COX16: variants seen among roughly 807,000 people sequenced by gnomAD.
COX16 encodes the protein cytochrome c oxidase assembly protein COX16 homolog, mitochondrial.
Under a neutral mutation model 15.4 loss-of-function variants are expected in COX16, and 12 were observed. That is an observed-to-expected ratio of 0.78 (90% CI 0.50 to 1.26). The LOEUF (loss-of-function observed/expected upper bound fraction) is 1.26. Among genes scored for constraint, COX16 ranks in the 50% most tolerant of loss-of-function variants. COX16 has a pLI of 0.00. For synonymous variants in COX16, 46 were observed against 41.1 expected, an observed-to-expected ratio of 1.12 and a Z score of -0.46; for missense variants, 124 against 127.6, an observed-to-expected ratio of 0.97 and a Z score of 0.14.
At chr14:70,336,519 AAAAT>A in intron 2 of COX16, among the ~76,000 whole-genome samples, 1 of 152,210 alleles carries the variant, frequency 6.6e-6, no homozygotes, top group Middle Eastern at 3.4e-3. Flanking sequence ...TAGATAAATA[AAAAT>A]AAAATAATGA....
At chr14:70,358,620 T>G (rs1251126973) in intron 1 of COX16, among the ~76,000 whole-genome samples, 1 of 152,122 alleles carries the variant, frequency 6.6e-6, no homozygotes, top group Non-Finnish European at 1.5e-5. Flanking sequence ...TTTCCTTTAG[T>G]CTGCTTAAAT....
At chr14:70,342,609 GAACA>G (rs1886656508) in intron 2 of COX16, 45 bp downstream of exon 2, 1 of 1,574,286 alleles carries the variant, frequency 6.4e-7, no homozygotes, top group African/African-American at 1.4e-5. Flanking sequence ...TCCTAAACCA[GAACA>G]TACATATAGA....
intron 3 of COX16, among the ~76,000 whole-genome samples, chr14:70,327,669 A>G (rs1275563417): frequency 6.6e-6 from 1 of 152,206 alleles, no homozygotes; most frequent in Non-Finnish European, 1.5e-5. Flanking sequence ...ATTTTAATAA[A>G]GAATAATGGC....
Position 70,325,965 on chromosome 14 carries a change from GAAATCAGA to G in COX16, c.*360_*367del, listed in dbSNP as rs1341045944. ...GACCTACTGTCCTCATTAGGAATCA[GAAATCAGA>G]GAATCAGAAATCAGAATGAAATATC... On this transcript the variant is annotated 3_prime_UTR_variant, in exon 4 of 4. Transcript: ENST00000389912. 6.5e-6 allele frequency: 1 copy of G among 153,180 alleles called. No individual in the cohort carries two copies. Among genetic ancestry groups the G allele is most frequent in the Non-Finnish European group, 1.5e-5 (1 of 68,802 alleles). 9.5% of individuals were successfully genotyped at this position (153,180 alleles called of 1,614,324 possible). A position where few individuals can be genotyped will look rare whatever the true frequency, so the allele number is the denominator to read the frequency against.
Position 70,327,446 on chromosome 14 carries a change from T to C in COX16, c.205-997A>G, listed in dbSNP as rs139658004. Among the ~76,000 whole-genome samples the C allele has an allele frequency of 7.0e-4, 107 of 152,192 alleles. 1 individual carries two copies. Among genetic ancestry groups the C allele is most frequent in the African/African-American group, 2.5e-3 (105 of 41,542 alleles). On this transcript the variant is annotated intron_variant, in intron 3 of 3. Coordinates refer to ENST00000389912, the MANE Select transcript of COX16 (RefSeq NM_016468.7). ...ACTCTTCATAGCATCATTACTGGTA[T>C]AGCACTTGTAGAACTACAAGTTAGC... is the stretch of plus-strand genomic sequence containing the variant.
At chr14:70,359,440 A>G in intron 1 of COX16, 79 bp downstream of exon 1, 1 of 1,312,546 alleles carries the variant, frequency 7.6e-7, no homozygotes, top group Non-Finnish European at 1.1e-6. Context: ...TTCACATTTT[A>G]CAGATTCCCT....
chr14:70,339,040 T>G (rs1886544949), intron 2 of COX16, among the ~76,000 whole-genome samples: 1 of 152,270 alleles, frequency 6.6e-6, no homozygotes, highest in Admixed American at 6.5e-5. Flanking sequence ...GTTCTCATTT[T>G]CATTATCTAA....
chr14:70,328,399 T>A (rs912019914), intron 3 of COX16, among the ~76,000 whole-genome samples: 2 of 152,106 alleles, frequency 1.3e-5, no homozygotes, highest in African/African-American at 4.8e-5. Flanking sequence ...TACCTTTCAA[T>A]ACAAAATGAC....
intron 1 of COX16, among the ~76,000 whole-genome samples, chr14:70,345,768 C>T (rs1203986845): frequency 6.6e-6 from 1 of 152,134 alleles, no homozygotes; most frequent in Non-Finnish European, 1.5e-5. Flanking sequence ...TCAAATCCTT[C>T]CCCTCCATTC....
Position 70,342,718 on chromosome 14 carries a change from A to G in COX16, c.81T>C (p.Val27=). 1 of 1,612,756 alleles carries G rather than the reference A, an allele frequency of 6.2e-7. No homozygotes were observed. Among genetic ancestry groups the G allele is most frequent in the Non-Finnish European group, 8.5e-7 (1 of 1,179,658 alleles). ...ACTCACGAAGACCAAAAGAACCTCCAACAATCAGCAACTAAAACAAAGAAA... is the reference window on the plus strand; with the variant it reads ...ACTCACGAAGACCAAAAGAACCTCCGACAATCAGCAACTAAAACAAAGAAA... ...GYGVPMLLLI[V]GGSFGLREFS... is the part of the protein sequence containing the mutation. Residue 27 remains valine, a synonymous_variant, in exon 2 of 4, where the codon GTT becomes GTC. Coordinates refer to ENST00000389912, the MANE Select transcript of COX16 (RefSeq NM_016468.7).
At chr14:70,343,597 A>G (rs1886686320) in intron 1 of COX16, among the ~76,000 whole-genome samples, 1 of 152,226 alleles carries the variant, frequency 6.6e-6, no homozygotes, top group South Asian at 2.1e-4. Flanking sequence ...TGTATATCAC[A>G]TTGTATTCCC....
At position 70,332,330 on chromosome 14, in the gene COX16, A is replaced by G. The variant is rs111811009; in HGVS notation, c.142-3094T>C. On this transcript the variant is annotated intron_variant, in intron 2 of 3. Transcript: ENST00000389912. ...ATAGGCCTCCCCTGTGGGCTTGCCA[A>G]CCTCCTGTCACAGCAGATCCTGAGG... is the stretch of plus-strand genomic sequence containing the variant. Among the ~76,000 whole-genome samples the G allele has an allele frequency of 2.0e-5, 3 of 152,218 alleles. No individual in the cohort carries two copies. In the South Asian group the frequency reaches 6.2e-4, roughly 32 times the overall value.
intron 2 of COX16, among the ~76,000 whole-genome samples, chr14:70,337,171 A>G (rs1394951505): frequency 1.3e-5 from 2 of 152,212 alleles, no homozygotes; most frequent in African/African-American, 2.4e-5. Flanking sequence ...CTAGAACTGC[A>G]TAAGATAGAA....
In COX16 at chr14:70,325,116, TGAAAA is replaced by T. The variant is rs1886025386; in HGVS notation, c.*1212_*1216del. 1.3e-5 allele frequency: 2 copies of T among 152,292 alleles called. No homozygotes were observed. The highest frequency in any genetic ancestry group is 4.8e-5 in the African/African-American group (2 of 41,570). 9.4% of individuals were successfully genotyped at this position (152,292 alleles called of 1,614,324 possible). A position where few individuals can be genotyped will look rare whatever the true frequency, so the allele number is the denominator to read the frequency against. On this transcript the variant is annotated 3_prime_UTR_variant, in exon 4 of 4. Transcript: ENST00000389912. ...TTACTTTTTATTAAAACCAACCTGCTGAAAAGAATACAAATTTTGACTAGGAGGAG... is the reference window on the plus strand; with the variant it reads ...TTACTTTTTATTAAAACCAACCTGCTGAATACAAATTTTGACTAGGAGGAG...
chr14:70,342,444 CAAAAGAAA>C (rs1186115853), intron 2 of COX16, among the ~76,000 whole-genome samples: 1 of 151,436 alleles, frequency 6.6e-6, no homozygotes, highest in Non-Finnish European at 1.5e-5. Context: ...GACCCCGTGG[CAAAAGAAA>C]AAAAGAAAGA....
chr14:70,359,294 A>G (rs1456441555), intron 1 of COX16: 1 of 631,462 alleles, frequency 1.6e-6, no homozygotes, highest in Non-Finnish European at 2.9e-6. Flanking sequence ...GACAGATCCT[A>G]GTACACCTGA....
chr14:70,355,072 T>C (rs1887086957), intron 1 of COX16, among the ~76,000 whole-genome samples: 2 of 152,144 alleles, frequency 1.3e-5, no homozygotes. Flanking sequence ...TAACAAACTT[T>C]CCTGGACACC....
rs540015255 is a variant in COX16, at chr14:70,342,823, C to A, written c.70-94G>T. 8.1e-5 allele frequency: 104 copies of A among 1,284,876 alleles called. No individual in the cohort carries two copies. In the South Asian group the frequency reaches 1.4e-3, roughly 17 times the overall value. 79.6% of individuals were successfully genotyped at this position (1,284,876 alleles called of 1,614,324 possible). A position where few individuals can be genotyped will look rare whatever the true frequency, so the allele number is the denominator to read the frequency against. On this transcript the variant is annotated intron_variant, in intron 1 of 3. Coordinates refer to ENST00000389912, the MANE Select transcript of COX16 (RefSeq NM_016468.7). Reference sequence around the variant, plus strand: ...TTGCTTTTCTAAACAACAATAGAGGCACATTATACAAAAATTCTATAGATT... The same window carrying A: ...TTGCTTTTCTAAACAACAATAGAGGAACATTATACAAAAATTCTATAGATT...
intron 2 of COX16, among the ~76,000 whole-genome samples, chr14:70,329,780 T>C (rs560871303): frequency 2.9e-5 from 4 of 138,014 alleles, no homozygotes; most frequent in Non-Finnish European, 4.7e-5. Flanking sequence ...ATTAACTGTA[T>C]AAAAAGCCTT....
Sources: gnomAD v4.1 joint callset for allele counts (sites outside exome capture counted in the v4.1 genomes callset) on GRCh38, gnomAD v4.1.1 for gene constraint, MANE v1.5 for transcripts, NCBI Gene and HGNC (gene_info 2026-07-23, HGNC 2026-07-21) for gene names.